SECISBP2: variants seen among roughly 807,000 people sequenced by gnomAD.
SECISBP2 encodes SECIS binding protein 2, also known as selenocysteine insertion sequence-binding protein 2.
Under a neutral mutation model 98.2 loss-of-function variants are expected in SECISBP2, and 96 were observed. That is an observed-to-expected ratio of 0.98 (90% CI 0.83 to 1.16). The LOEUF is 1.16. Ranked by LOEUF, SECISBP2 falls within the 50% of genes most tolerant of loss-of-function variation. SECISBP2 has a pLI of 0.00. For synonymous variants in SECISBP2, 407 were observed against 370.2 expected (o/e 1.10, Z -1.14); for missense variants, 1,046 against 1,022.9 (o/e 1.02, Z -0.31).
chr9:89,363,007 C>T (rs1213879714), downstream of SECISBP2, among the ~76,000 whole-genome samples: 1 of 152,214 alleles, frequency 6.6e-6, no homozygotes, highest in Non-Finnish European at 1.5e-5. Flanking sequence ...CTCCCCCTGA[C>T]CCCTCCAACA....
At chr9:89,363,837 G>T, downstream of SECISBP2, 1 of 1,614,128 alleles carries the variant, frequency 6.2e-7, no homozygotes, top group Non-Finnish European at 8.5e-7. Flanking sequence ...ATGGCGTCCT[G>T]CAGCCAGCTG....
intron 7 of SECISBP2, among the ~76,000 whole-genome samples, chr9:89,335,052 AG>A (rs1297649374): frequency 1.3e-5 from 2 of 151,978 alleles, no homozygotes; most frequent in Non-Finnish European, 2.9e-5. Flanking sequence ...ATCTCTACTA[AG>A]AAATACAAAC....
intron 14 of SECISBP2, chr9:89,354,981 G>T (rs542946830): frequency 2.0e-6 from 2 of 985,264 alleles, no homozygotes; most frequent in Non-Finnish European, 2.4e-6. Flanking sequence ...TCTGGAACTG[G>T]TCTTTTTCTT....
intron 8 of SECISBP2, among the ~76,000 whole-genome samples, chr9:89,339,278 T>G (rs1829288638): frequency 6.6e-6 from 1 of 152,212 alleles, no homozygotes; most frequent in African/African-American, 2.4e-5. Flanking sequence ...CCAAGGCTCT[T>G]AGAACATCAT....
At position 89,334,181 on chromosome 9, in the gene SECISBP2, T is replaced by TG. The variant is rs1828235175; in HGVS notation, c.881-341_881-340insG. On this transcript the variant is annotated intron_variant, in intron 6 of 16. Transcript: ENST00000375807. ...GTTAGTAGGGCCAAAATTTGATCTTTAGTTCGTTAATTCTGTGTGCTTGCC... is the reference window on the plus strand; with the variant it reads ...GTTAGTAGGGCCAAAATTTGATCTTTGAGTTCGTTAATTCTGTGTGCTTGCC... 10 of 1,181,346 alleles carry TG rather than the reference T, an allele frequency of 8.5e-6. No individual in the cohort carries two copies. In the Admixed American group the frequency reaches 2.2e-4, roughly 26 times the overall value. The allele number at this position is 1,181,346 out of a possible 1,614,324, so 73.2% of individuals were successfully genotyped here.
intron 10 of SECISBP2, among the ~76,000 whole-genome samples, chr9:89,342,890 C>A (rs1320627244): frequency 6.6e-6 from 1 of 152,178 alleles, no homozygotes; most frequent in African/African-American, 2.4e-5. Flanking sequence ...GAATTGTGCA[C>A]TTAAAAACAG....
At chr9:89,349,104 C>T (rs759086084) in intron 12 of SECISBP2, among the ~76,000 whole-genome samples, 3 of 152,238 alleles carry the variant, frequency 2.0e-5, no homozygotes, top group African/African-American at 7.2e-5. Context: ...CTGAGAGTTG[C>T]AGGTGCTCCC....
downstream of SECISBP2, among the ~76,000 whole-genome samples, chr9:89,363,267 T>TCC (rs67247190): frequency 0.029 from 4,426 of 151,652 alleles, 79 homozygotes; most frequent in Middle Eastern, 0.075. Flanking sequence ...ACGTGGGATT[T>TCC]CCCCCCCCAG....
At chr9:89,333,618 G>A (rs2131707188) in intron 6 of SECISBP2, among the ~76,000 whole-genome samples, 1 of 152,222 alleles carries the variant, frequency 6.6e-6, no homozygotes, top group Admixed American at 6.5e-5. Flanking sequence ...GAAGGCAACT[G>A]ATGTGTTTGT....
intron 15 of SECISBP2, 137 bp downstream of exon 15, chr9:89,357,702 C>A: frequency 3.7e-6 from 4 of 1,068,748 alleles, no homozygotes; most frequent in East Asian, 2.4e-5. Context: ...ACCACTTAGG[C>A]AGAACCTTCT....
intron 5 of SECISBP2, among the ~76,000 whole-genome samples, chr9:89,331,460 A>T (rs1243374875): frequency 6.6e-6 from 1 of 152,226 alleles, no homozygotes; most frequent in African/African-American, 2.4e-5. Flanking sequence ...TGTGAAGCAT[A>T]TGAATTTTAA....
Position 89,358,885 on chromosome 9 carries a change from G to A in SECISBP2, c.*61G>A. 1.0e-6 allele frequency: 1 copy of A among 1,002,788 alleles called. No homozygotes were observed. Among genetic ancestry groups the A allele is most frequent in the South Asian group, 1.3e-5 (1 of 76,488 alleles). 62.1% of individuals were successfully genotyped at this position (1,002,788 alleles called of 1,614,324 possible). A position where few individuals can be genotyped will look rare whatever the true frequency, so the allele number is the denominator to read the frequency against. ...AGGGGAGGTCTGAAAAAGACTTTGG[G>A]GCTTTTTCTTCTGTTTTTCATGACA... On this transcript the variant is annotated 3_prime_UTR_variant, in exon 17 of 17. Coordinates refer to ENST00000375807, the MANE Select transcript of SECISBP2 (RefSeq NM_024077.5).
rs570772750 is a variant in SECISBP2 at position 89,358,913 on chromosome 9, G to A, written c.*89G>A. ...TTTTTCTTCTGTTTTTCATGACAAT[G>A]TAATTTGTGTAACTGTTGAATCTGG... On this transcript the variant is annotated 3_prime_UTR_variant, in exon 17 of 17. Transcript: ENST00000375807. The A allele has an allele frequency of 2.5e-6, 2 of 797,308 alleles. No individual in the cohort carries two copies. Among genetic ancestry groups the A allele is most frequent in the South Asian group, 2.9e-5 (2 of 69,720 alleles). The allele number at this position is 797,308 out of a possible 1,614,324, so 49.4% of individuals were successfully genotyped here. A position where few individuals can be genotyped will look rare whatever the true frequency, so the allele number is the denominator to read the frequency against.
chr9:89,349,956 C>CT (rs773436976), intron 13 of SECISBP2, 27 bp downstream of exon 13: 1 of 1,613,670 alleles, frequency 6.2e-7, no homozygotes, highest in East Asian at 2.2e-5. Flanking sequence ...CTGCCAGGGA[C>CT]TAGGGGAAGA....
chr9:89,347,330 G>A (rs1830561018), intron 11 of SECISBP2, among the ~76,000 whole-genome samples: 1 of 152,068 alleles, frequency 6.6e-6, no homozygotes, highest in African/African-American at 2.4e-5. Flanking sequence ...GAAATGGGAG[G>A]AGTTGCATTT....
intron 12 of SECISBP2, 68 bp downstream of exon 12, chr9:89,348,282 C>G: frequency 1.9e-6 from 3 of 1,571,282 alleles, no homozygotes; most frequent in Non-Finnish European, 2.6e-6. Flanking sequence ...ATGAGCTATG[C>G]TGAGCAAACT....
Position 89,346,963 on chromosome 9 carries a change from A to G in SECISBP2, c.1517A>G (p.Asn506Ser). ...ATGAGTCAAATGAAGACCCCGCACA[A>G]TCCCTTGGACTCCAGCGCCCCACTG... ...RRMSQMKTPH[N>S]PLDSSAPLMK... Residue 506 changes from asparagine to serine, a missense_variant, in exon 11 of 17, where the codon AAT becomes AGT. Coordinates refer to ENST00000375807, the MANE Select transcript of SECISBP2 (RefSeq NM_024077.5). The G allele has an allele frequency of 1.2e-6, 2 of 1,614,180 alleles. No homozygotes were observed. Among genetic ancestry groups the G allele is most frequent in the Admixed American group, 1.7e-5 (1 of 60,020 alleles).
At position 89,350,790 on chromosome 9, in the gene SECISBP2, T is replaced by G. The variant is rs1831161778; in HGVS notation, c.2051T>G (p.Leu684Arg). 6.2e-7 allele frequency: 1 copy of G among 1,614,186 alleles called. No individual in the cohort carries two copies. The highest frequency in any genetic ancestry group is 8.5e-7 in the Non-Finnish European group (1 of 1,180,032). Residue 684 changes from leucine to arginine, a missense_variant, in exon 14 of 17, where the codon CTG (leucine) becomes CGG (arginine). Physicochemically the swap from Leu to Arg is moderately radical, Grantham distance 102 (BLOSUM62 -2). Coordinates refer to ENST00000375807, the MANE Select transcript of SECISBP2 (RefSeq NM_024077.5). ...VLGLREVLKH[L>R]KLKKLKCVII... ...GGGTTGAGGGAGGTTCTCAAACACC[T>G]GAAGCTCAAAAAACTGAAATGTGTC...
rs1351860247 is a variant in SECISBP2, at chr9:89,334,547, T to C, written c.906T>C (p.Tyr302=). The change falls in exon 7 of 17, where the codon TAT becomes TAC. Residue 302 remains tyrosine, a synonymous_variant. Coordinates refer to ENST00000375807, the MANE Select transcript of SECISBP2 (RefSeq NM_024077.5). ...AGTTATCTTGGACACCAATGGGTTA[T>C]GTTGTTCGACAGACATTATCTACAG... The part of the protein sequence containing the change: ...TRELSWTPMG[Y]VVRQTLSTEL... 1.2e-6 allele frequency: 2 copies of C among 1,614,210 alleles called. No homozygotes were observed. Among genetic ancestry groups the C allele is most frequent in the African/African-American group, 2.7e-5 (2 of 75,076 alleles).
Sources: allele counts gnomAD v4.1 joint callset (sites outside exome capture counted in the v4.1 genomes callset), GRCh38; gene constraint gnomAD v4.1.1; transcripts MANE v1.5; gene names NCBI Gene and HGNC (gene_info 2026-07-23, HGNC 2026-07-21).